The following SMYD3 variants were observed in gnomAD, a reference collection of about 807,000 sequenced individuals.
The protein encoded by SMYD3 is SET and MYND domain containing 3.
Under a neutral mutation model 57.7 loss-of-function variants are expected in SMYD3, and 36 were observed. That is an observed-to-expected ratio of 0.62 (90% CI 0.48 to 0.82). The LOEUF is 0.82. Among genes scored for constraint, SMYD3 ranks in the 40% least tolerant of loss-of-function variants. The probability of loss-of-function intolerance (pLI) is 0.00; values close to 1 mark genes in which losing one functional copy is unlikely to be tolerated. For synonymous variants in SMYD3, 211 were observed against 195.0 expected (o/e 1.08, Z -0.68); for missense variants, 515 against 538.8 (o/e 0.96, Z 0.44).
chr1:245,907,377 ATAATT>A (rs1318141310), intron 8 of SMYD3, among the ~76,000 whole-genome samples: 1 of 152,220 alleles, frequency 6.6e-6, no homozygotes, highest in Non-Finnish European at 1.5e-5. Flanking sequence ...AAAAAATAAA[ATAATT>A]TAAAGTCAGA....
chr1:246,454,271 C>G (rs555857593), intron 1 of SMYD3, among the ~76,000 whole-genome samples: 2 of 152,108 alleles, frequency 1.3e-5, no homozygotes, highest in Admixed American at 1.3e-4. Context: ...AGTCAAGCAA[C>G]CAGGCAACCA....
chr1:246,495,101 G>T (rs2068336716), intron 1 of SMYD3, among the ~76,000 whole-genome samples: 1 of 152,126 alleles, frequency 6.6e-6, no homozygotes. Flanking sequence ...TGTAATCCCA[G>T]CACTTTGGGA....
intron 1 of SMYD3, among the ~76,000 whole-genome samples, chr1:246,382,488 C>T (rs1191021027): frequency 6.6e-6 from 1 of 152,084 alleles, no homozygotes; most frequent in Non-Finnish European, 1.5e-5. Flanking sequence ...AGGCTAGCAC[C>T]TGTGAACCCA....
chr1:246,505,964 T>C (rs2068530489), intron 1 of SMYD3, among the ~76,000 whole-genome samples: 1 of 152,234 alleles, frequency 6.6e-6, no homozygotes, highest in South Asian at 2.1e-4. Flanking sequence ...TTATCATTAC[T>C]TCAGAAAGCA....
intron 2 of SMYD3, 91 bp from the exon 3 acceptor site, chr1:246,335,565 A>G: frequency 1.1e-6 from 1 of 917,310 alleles, no homozygotes; most frequent in Non-Finnish European, 1.7e-6. Context: ...TAAACATTAA[A>G]TTTTAATAGT....
At chr1:246,127,763 G>T (rs893704052) in intron 5 of SMYD3, among the ~76,000 whole-genome samples, 65 of 152,142 alleles carry the variant, frequency 4.3e-4, no homozygotes, top group African/African-American at 1.5e-3. Flanking sequence ...AGGCATGATA[G>T]CGCGTGCCTG....
intron 5 of SMYD3, among the ~76,000 whole-genome samples, chr1:246,047,425 A>G (rs2059988362): frequency 6.6e-6 from 1 of 152,260 alleles, no homozygotes; most frequent in South Asian, 2.1e-4. Flanking sequence ...AACCATTTGT[A>G]TAATAAAAAG....
intron 10 of SMYD3, among the ~76,000 whole-genome samples, chr1:245,805,053 A>C (rs1408921844): frequency 1.3e-5 from 2 of 152,146 alleles, no homozygotes; most frequent in African/African-American, 4.8e-5. Flanking sequence ...TTCTAGTCTG[A>C]TTCACAAGTA....
intron 10 of SMYD3, among the ~76,000 whole-genome samples, chr1:245,787,550 C>A (rs1434874355): frequency 6.6e-6 from 1 of 151,962 alleles, no homozygotes. Flanking sequence ...TCCAGAGCAG[C>A]TTTCTCCAGA....
intron 5 of SMYD3, among the ~76,000 whole-genome samples, chr1:246,066,488 T>C (rs1467127653): frequency 1.3e-5 from 2 of 152,222 alleles, no homozygotes; most frequent in African/African-American, 4.8e-5. Flanking sequence ...TGTCTAAAAT[T>C]CTCTGCACTG....
intron 8 of SMYD3, among the ~76,000 whole-genome samples, chr1:245,907,204 A>T (rs926878305): frequency 2.6e-5 from 4 of 152,212 alleles, no homozygotes; most frequent in Admixed American, 2.6e-4. Flanking sequence ...TTTTAAGATA[A>T]CTTAAAAAAT....
chr1:246,253,445 G>C (rs1025413183), intron 5 of SMYD3, among the ~76,000 whole-genome samples: 1 of 152,214 alleles, frequency 6.6e-6, no homozygotes, highest in East Asian at 1.9e-4. Flanking sequence ...CAAAGGACAT[G>C]ATTTTGTTCT....
At chr1:246,027,534 G>A (rs1309232090) in intron 5 of SMYD3, among the ~76,000 whole-genome samples, 1 of 152,178 alleles carries the variant, frequency 6.6e-6, no homozygotes, top group Non-Finnish European at 1.5e-5. Context: ...TACTGCCCAT[G>A]TTCTACCAAT....
intron 5 of SMYD3, among the ~76,000 whole-genome samples, chr1:246,260,120 A>G (rs890590794): frequency 3.3e-5 from 5 of 152,160 alleles, no homozygotes; most frequent in Non-Finnish European, 5.9e-5. Flanking sequence ...CTGCACGGGA[A>G]GGATGGAGCA....
At chr1:246,212,411 T>C (rs2063104643) in intron 5 of SMYD3, among the ~76,000 whole-genome samples, 1 of 152,126 alleles carries the variant, frequency 6.6e-6, no homozygotes, top group Non-Finnish European at 1.5e-5. Context: ...AAGGAAATAA[T>C]TCCTATAATG....
intron 10 of SMYD3, among the ~76,000 whole-genome samples, chr1:245,795,219 C>A (rs1460346170): frequency 1.3e-5 from 2 of 152,222 alleles, no homozygotes; most frequent in African/African-American, 2.4e-5. Context: ...GGTGGCTTGG[C>A]TCAGGCCCTG....
rs969175571 is a variant in SMYD3, at chr1:246,288,050, C to T, written c.531+39151G>A. Reference sequence around the variant, plus strand: ...AAGCATTGGCAAGTTTTTGAAATGCCATCAGGTAATTCTTTTTTTTTTTTT... The same window carrying T: ...AAGCATTGGCAAGTTTTTGAAATGCTATCAGGTAATTCTTTTTTTTTTTTT... On this transcript the variant is annotated intron_variant, in intron 5 of 11. Coordinates refer to ENST00000490107, the MANE Select transcript of SMYD3 (RefSeq NM_001167740.2). 6.5e-4 allele frequency among the ~76,000 whole-genome samples: 93 copies of T among 142,606 alleles called. 2 individuals are homozygous for T. The highest frequency in any genetic ancestry group is 2.4e-4 in the Non-Finnish European group (16 of 65,934). The allele number at this position is 142,606 out of a possible 152,430, so 93.6% of individuals were successfully genotyped here.
intron 1 of SMYD3, among the ~76,000 whole-genome samples, chr1:246,379,335 G>A (rs924624485): frequency 3.2e-4 from 48 of 151,706 alleles, no homozygotes; most frequent in African/African-American, 9.9e-4. Flanking sequence ...TTATCATCAC[G>A]GTTTTATTAT....
chr1:246,137,291 G>T (rs1322724959), intron 5 of SMYD3, among the ~76,000 whole-genome samples: 1 of 152,102 alleles, frequency 6.6e-6, no homozygotes, highest in Admixed American at 6.5e-5. Flanking sequence ...GAGTCCATGG[G>T]ATTCACATGT....
Sources: gnomAD v4.1 joint callset for allele counts (sites outside exome capture counted in the v4.1 genomes callset) on GRCh38, gnomAD v4.1.1 for gene constraint, MANE v1.5 for transcripts, NCBI Gene and HGNC (gene_info 2026-07-23, HGNC 2026-07-21) for gene names.